Variants in CNIH3 observed in about 807,000 individuals in gnomAD.
CNIH3 encodes the protein cornichon family AMPA receptor auxiliary protein 3.
CNIH3 carries 14 observed loss-of-function variants against 24.1 expected under a neutral mutation model. The ratio of observed to expected loss-of-function variants is 0.58; its 90% CI spans 0.38 to 0.91. The LOEUF is 0.91. Ranked by LOEUF, CNIH3 falls within the 40% of genes least tolerant of loss-of-function variation. CNIH3 has a pLI of 0.00. For missense variants in CNIH3, 178 were observed against 196.8 expected (o/e 0.90, Z 0.57); for synonymous variants, 68 against 73.8 (o/e 0.92, Z 0.40).
intron 3 of CNIH3, among the ~76,000 whole-genome samples, chr1:224,723,909 A>G (rs544301950): frequency 6.6e-6 from 1 of 152,158 alleles, no homozygotes; most frequent in African/African-American, 2.4e-5. Context: ...TATTAATTTT[A>G]TGGTGACTTT....
At chr1:224,471,850 A>G (rs1190902097) in intron 1 of CNIH3, among the ~76,000 whole-genome samples, 1 of 152,070 alleles carries the variant, frequency 6.6e-6, no homozygotes, top group African/African-American at 2.4e-5. Context: ...TCGGCCTCCC[A>G]AAGTGCTGGG....
chr1:224,734,469 A>G, intron 4 of CNIH3, 94 bp from the exon 5 acceptor site: 1 of 1,298,748 alleles, frequency 7.7e-7, no homozygotes, highest in Non-Finnish European at 1.1e-6. Context: ...CTTGGCAGGG[A>G]TTGCTCGACA....
At chr1:224,504,046 C>A (rs1677796124) in intron 1 of CNIH3, among the ~76,000 whole-genome samples, 2 of 152,246 alleles carry the variant, frequency 1.3e-5, no homozygotes, top group South Asian at 2.1e-4. Flanking sequence ...CTTTAAGTCT[C>A]AGTTTCTTCA....
intron 1 of CNIH3, among the ~76,000 whole-genome samples, chr1:224,665,948 C>T (rs1401788501): frequency 6.6e-6 from 1 of 152,158 alleles, no homozygotes; most frequent in Non-Finnish European, 1.5e-5. Context: ...AGGTGACTCT[C>T]AACTGGCCTG....
chr1:224,486,754 G>T (rs779126109), intron 1 of CNIH3, among the ~76,000 whole-genome samples: 7 of 152,190 alleles, frequency 4.6e-5, no homozygotes, highest in Non-Finnish European at 1.0e-4. Flanking sequence ...ATTGTCATCT[G>T]CAAATTGAAT....
chr1:224,602,482 T>G (rs1682247498), intron 3 of CNIH3, among the ~76,000 whole-genome samples: 1 of 152,268 alleles, frequency 6.6e-6, no homozygotes, highest in South Asian at 2.1e-4. Context: ...TTTTAAAAAT[T>G]AAACTGTGAG....
intron 3 of CNIH3, chr1:224,718,840 G>A (rs973298864): frequency 6.6e-6 from 1 of 152,268 alleles, no homozygotes; most frequent in East Asian, 1.9e-4. Context: ...CCATTCTGCA[G>A]CGGGATCCCT....
At chr1:224,459,231 G>A in intron 1 of CNIH3, 2 of 981,148 alleles carry the variant, frequency 2.0e-6, no homozygotes, top group Non-Finnish European at 2.4e-6. Flanking sequence ...TGACCTTGAG[G>A]ATGGATGTCA....
intron 5 of CNIH3, among the ~76,000 whole-genome samples, chr1:224,583,693 T>C (rs987743649): frequency 6.6e-6 from 1 of 152,174 alleles, no homozygotes; most frequent in Non-Finnish European, 1.5e-5. Flanking sequence ...AGACTCTGAT[T>C]CAGTAGGTCT....
At chr1:224,475,764 C>T (rs367747440) in intron 1 of CNIH3, among the ~76,000 whole-genome samples, 1 of 152,256 alleles carries the variant, frequency 6.6e-6, no homozygotes, top group African/African-American at 2.4e-5. Context: ...GCCAGTATTA[C>T]CAGTAAACTA....
downstream of CNIH3, among the ~76,000 whole-genome samples, chr1:224,541,600 A>G (rs143821344): frequency 3.0e-3 from 451 of 152,352 alleles, 5 homozygotes; most frequent in Middle Eastern, 0.01. Context: ...GAAAGAAGCT[A>G]TTCATTAGAT....
intron 1 of CNIH3, among the ~76,000 whole-genome samples, chr1:224,486,782 G>A (rs114841062): frequency 0.013 from 1,925 of 151,998 alleles, 29 homozygotes; most frequent in African/African-American, 0.04. Context: ...CCTTCAAGAT[G>A]ATTGTTTGGA....
At chr1:224,573,890 G>A (rs1325068743) in intron 4 of CNIH3, among the ~76,000 whole-genome samples, 1 of 151,756 alleles carries the variant, frequency 6.6e-6, no homozygotes, top group Non-Finnish European at 1.5e-5. Flanking sequence ...ATCTTTTTTT[G>A]TAAATGGTAT....
intron 1 of CNIH3, among the ~76,000 whole-genome samples, chr1:224,623,468 C>T (rs961443310): frequency 1.3e-5 from 2 of 152,128 alleles, no homozygotes; most frequent in Non-Finnish European, 2.9e-5. Flanking sequence ...TAGCTGGCCT[C>T]AGTATTGCCT....
At chr1:224,448,345 G>A (rs560079127) in intron 1 of CNIH3, among the ~76,000 whole-genome samples, 1 of 152,324 alleles carries the variant, frequency 6.6e-6, no homozygotes, top group South Asian at 2.1e-4. Context: ...GTCCCTTGAG[G>A]ACTGTCAGAA....
chr1:224,620,288 G>T (rs1252434509), intron 1 of CNIH3, among the ~76,000 whole-genome samples: 1 of 152,238 alleles, frequency 6.6e-6, no homozygotes, highest in Non-Finnish European at 1.5e-5. Context: ...GAGGAAACTG[G>T]ATCAGAGAGA....
At chr1:224,473,670 AAGAG>A (rs142766780) in intron 1 of CNIH3, among the ~76,000 whole-genome samples, 11 of 151,186 alleles carry the variant, frequency 7.3e-5, no homozygotes, top group Admixed American at 4.0e-4. Context: ...ACTAGAGCTA[AAGAG>A]AGAGAGAGAG....
At chr1:224,514,104 C>G (rs1308664872), upstream of CNIH3, among the ~76,000 whole-genome samples, 1 of 152,232 alleles carries the variant, frequency 6.6e-6, no homozygotes, top group Non-Finnish European at 1.5e-5. Context: ...TCATCTCCAA[C>G]AGCAGCAGAA....
chr1:224,551,662 T>C lies in CNIH3; in HGVS notation n.450+4723T>C, dbSNP rs1039831469. ...TATCACAGCTATGTTATTTCATTAA[T>C]ATCACAGTGTGTACACCCTGGATAT... On this transcript the variant is annotated intron_variant and non_coding_transcript_variant, in intron 3 of 5. Coordinates refer to the CNIH3 transcript ENST00000471578. Among the ~76,000 whole-genome samples, 11 of 152,232 alleles carry C rather than the reference T, an allele frequency of 7.2e-5. No individual in the cohort carries two copies. The South Asian group carries it at 1.9e-3, about 26-fold the overall frequency.
Sources: gnomAD v4.1 joint callset for allele counts (sites outside exome capture counted in the v4.1 genomes callset) on GRCh38, gnomAD v4.1.1 for gene constraint, MANE v1.5 for transcripts, NCBI Gene and HGNC (gene_info 2026-07-23, HGNC 2026-07-21) for gene names.